The following DLG2 variants were observed in gnomAD, a reference collection of about 807,000 sequenced individuals.
DLG2 encodes disks large homolog 2.
In DLG2, 45 loss-of-function variants were observed where a neutral mutation model predicts 132.5. The observed-to-expected ratio is 0.34, with a 90% CI of 0.27 to 0.44. The LOEUF (loss-of-function observed/expected upper bound fraction) is 0.44, where lower values mean the gene tolerates loss of function less well. Ranked by LOEUF, DLG2 falls within the 20% of genes least tolerant of loss-of-function variation. DLG2 has a pLI of 1.00. For missense variants in DLG2, 1,045 were observed against 1,196.9 expected, an observed-to-expected ratio of 0.87 and a Z score of 1.87; for synonymous variants, 424 against 419.6, an observed-to-expected ratio of 1.01 and a Z score of -0.13.
intron 7 of DLG2, among the ~76,000 whole-genome samples, chr11:84,338,327 A>T (rs945886086): frequency 1.3e-5 from 2 of 152,002 alleles, no homozygotes; most frequent in African/African-American, 4.8e-5. Context: ...CAACTTGTTC[A>T]CTCTCTTCTC....
chr11:85,459,094 T>C (rs2092517701), intron 3 of DLG2, among the ~76,000 whole-genome samples: 1 of 152,176 alleles, frequency 6.6e-6, no homozygotes, highest in Non-Finnish European at 1.5e-5. Flanking sequence ...GACTGGCCTC[T>C]TCTCCCTAGT....
intron 6 of DLG2, among the ~76,000 whole-genome samples, chr11:84,855,357 T>C (rs1038055724): frequency 6.6e-6 from 1 of 152,086 alleles, no homozygotes; most frequent in African/African-American, 2.4e-5. Flanking sequence ...CTATATTTAT[T>C]GACAGAATTG....
At chr11:84,740,701 A>C (rs890422715) in intron 6 of DLG2, among the ~76,000 whole-genome samples, 5 of 152,054 alleles carry the variant, frequency 3.3e-5, no homozygotes, top group African/African-American at 1.2e-4. Context: ...TGTGACTGTC[A>C]TTTTGCACAG....
intron 3 of DLG2, among the ~76,000 whole-genome samples, chr11:85,319,233 A>C (rs1040152509): frequency 1.3e-5 from 2 of 151,832 alleles, no homozygotes; most frequent in African/African-American, 4.8e-5. Flanking sequence ...GAAACAATAA[A>C]AAAAATTCAA....
chr11:84,883,176 G>A (rs2087641230), intron 6 of DLG2, among the ~76,000 whole-genome samples: 1 of 152,038 alleles, frequency 6.6e-6, no homozygotes, highest in Non-Finnish European at 1.5e-5. Context: ...GGATGAAGCT[G>A]GAAACCATCA....
intron 19 of DLG2, among the ~76,000 whole-genome samples, chr11:83,618,951 A>G (rs2061246888): frequency 6.6e-6 from 1 of 152,138 alleles, no homozygotes; most frequent in African/African-American, 2.4e-5. Flanking sequence ...TTTTGCAACT[A>G]ACTTCAGCTG....
At chr11:85,453,690 G>A (rs909900067) in intron 3 of DLG2, 5 of 152,466 alleles carry the variant, frequency 3.3e-5, no homozygotes, top group African/African-American at 9.7e-5. Flanking sequence ...GGATCCAAAG[G>A]TGGAGGTCCT....
chr11:83,979,920 T>C (rs960571234), intron 12 of DLG2, among the ~76,000 whole-genome samples: 3 of 152,198 alleles, frequency 2.0e-5, no homozygotes, highest in African/African-American at 4.8e-5. Flanking sequence ...CTCTATGCCA[T>C]GTGTATCTAA....
In DLG2 at chr11:84,891,734, A is replaced by T. The variant is rs920401360; in HGVS notation, c.357+219927T>A. Among the ~76,000 whole-genome samples, 37 of 152,214 alleles carry T rather than the reference A, an allele frequency of 2.4e-4. 1 individual carries two copies. On this transcript the variant is annotated intron_variant, in intron 6 of 27. Transcript: ENST00000376104. ...AAAGATTAAAATATATTTTGGACCC[A>T]GAGTTTGTTCAATCATTCACTTCTT...
intron 8 of DLG2, among the ~76,000 whole-genome samples, chr11:84,179,489 T>C (rs964529584): frequency 2.0e-5 from 3 of 152,100 alleles, no homozygotes; most frequent in African/African-American, 7.2e-5. Context: ...AACTGATGAA[T>C]TGTTAGATGC....
chr11:85,095,649 T>A (rs143331757), intron 6 of DLG2, among the ~76,000 whole-genome samples: 1 of 152,172 alleles, frequency 6.6e-6, no homozygotes, highest in Non-Finnish European at 1.5e-5. Context: ...TCTTAAAGAC[T>A]CTTCAAACTT....
intron 7 of DLG2, among the ~76,000 whole-genome samples, chr11:84,329,935 A>T (rs2098451081): frequency 6.6e-6 from 1 of 152,186 alleles, no homozygotes; most frequent in Admixed American, 6.5e-5. Flanking sequence ...AACTCTGACC[A>T]TTATTAGCTA....
chr11:85,189,717 C>T lies in DLG2; in HGVS notation c.187-35066G>A, dbSNP rs529048090. Among the ~76,000 whole-genome samples the T allele has an allele frequency of 9.9e-5, 15 of 152,224 alleles. No homozygotes were observed. In the South Asian group the frequency reaches 3.1e-3, roughly 32 times the overall value. On this transcript the variant is annotated intron_variant, in intron 4 of 27. Coordinates refer to ENST00000376104, the MANE Select transcript of DLG2 (RefSeq NM_001142699.3). ...ATTCAAAGACCCATGTACCAAAAGG[C>T]ATCTTTACTTTATAATAATTGGAAT...
intron 6 of DLG2, among the ~76,000 whole-genome samples, chr11:84,977,376 C>G (rs954925589): frequency 6.6e-6 from 1 of 152,192 alleles, no homozygotes; most frequent in African/African-American, 2.4e-5. Flanking sequence ...GACGGCAAGT[C>G]ATCCTTCATG....
chr11:85,493,863 G>GAAAGAA lies in DLG2; in HGVS notation c.40+104788_40+104793dup, dbSNP rs527481913. Among the ~76,000 whole-genome samples, 1,329 of 151,898 alleles carry GAAAGAA rather than the reference G, an allele frequency of 8.7e-3. 15 individuals carry two copies. Among genetic ancestry groups the GAAAGAA allele is most frequent in the African/African-American group, 0.029 (1,198 of 41,368 alleles). On this transcript the variant is annotated intron_variant, in intron 3 of 27. Coordinates refer to ENST00000376104, the MANE Select transcript of DLG2 (RefSeq NM_001142699.3). ...AGAGAAAAGAAAAGAAGAAAGGAAA[G>GAAAGAA]AAAGAAAAAGAAAAAGAAATTTATT...
intron 7 of DLG2, among the ~76,000 whole-genome samples, chr11:84,421,522 G>A (rs1324650730): frequency 5.9e-5 from 9 of 152,066 alleles, no homozygotes; most frequent in Non-Finnish European, 1.2e-4. Context: ...CTCCTAAAGC[G>A]TCTCCTTGTC....
chr11:85,198,470 T>G (rs1162681893), intron 4 of DLG2, among the ~76,000 whole-genome samples: 2 of 152,172 alleles, frequency 1.3e-5, no homozygotes, highest in African/African-American at 4.8e-5. Context: ...TATAAATTGT[T>G]TCTAGAACTA....
intron 6 of DLG2, among the ~76,000 whole-genome samples, chr11:84,806,090 CA>C (rs1289785691): frequency 2.0e-5 from 3 of 151,858 alleles, no homozygotes; most frequent in Non-Finnish European, 2.9e-5. Flanking sequence ...ATAAAAGAGA[CA>C]AAAGAAACAA....
intron 4 of DLG2, among the ~76,000 whole-genome samples, chr11:85,284,395 G>A (rs1200762514): frequency 6.6e-6 from 1 of 151,684 alleles, no homozygotes; most frequent in African/African-American, 2.4e-5. Context: ...TACAAACTCA[G>A]CAATCAACAT....
Sources: allele counts gnomAD v4.1 joint callset (sites outside exome capture counted in the v4.1 genomes callset), GRCh38; gene constraint gnomAD v4.1.1; transcripts MANE v1.5; gene names NCBI Gene and HGNC (gene_info 2026-07-23, HGNC 2026-07-21).